The following NF1 variants were observed in gnomAD, a reference collection of about 807,000 sequenced individuals.
NF1 encodes the protein neurofibromin 1, also known as neurofibromin.
A neutral mutation model predicts 325.7 loss-of-function variants in NF1; 122 were observed. The ratio of observed to expected loss-of-function variants is 0.37; its 90% confidence interval spans 0.32 to 0.44. The LOEUF (loss-of-function observed/expected upper bound fraction) is 0.44, where lower values mean the gene tolerates loss of function less well. Ranked by LOEUF, NF1 falls within the 20% of genes least tolerant of loss-of-function variation. The pLI is 1.00. For missense variants in NF1, 2,140 were observed against 3,415.4 expected, an observed-to-expected ratio of 0.63 and a Z score of 9.31; for synonymous variants, 1,091 against 1,186.0, an observed-to-expected ratio of 0.92 and a Z score of 1.65.
intron 1 of NF1, among the ~76,000 whole-genome samples, chr17:31,098,889 G>A (rs572804619): frequency 2.9e-5 from 4 of 139,142 alleles, no homozygotes; most frequent in South Asian, 2.3e-4. Context: ...CCGAGATTGC[G>A]CCACTGCACT....
intron 29 of NF1, among the ~76,000 whole-genome samples, chr17:31,246,918 C>T (rs982371513): frequency 3.9e-5 from 6 of 152,048 alleles, no homozygotes; most frequent in Non-Finnish European, 7.4e-5. Flanking sequence ...AACACTGGGC[C>T]GGGCACGGTG....
At chr17:31,285,231 C>T (rs1330919017) in intron 36 of NF1, among the ~76,000 whole-genome samples, 1 of 147,862 alleles carries the variant, frequency 6.8e-6, no homozygotes, top group African/African-American at 2.5e-5. Context: ...AAACCGAAAT[C>T]GCACCACTGC....
Position 31,201,252 on chromosome 17 carries a change from C to T in NF1, c.1185+93C>T, listed in dbSNP as rs558406034. On this transcript the variant is annotated intron_variant, in intron 10 of 57. Transcript: ENST00000358273. ...TAGAGATTAATAGGTTCACTTTTATCGGTATTTCTCACTATTATGTATTGA... is the reference window on the plus strand; with the variant it reads ...TAGAGATTAATAGGTTCACTTTTATTGGTATTTCTCACTATTATGTATTGA... The T allele has an allele frequency of 5.5e-4, 854 of 1,540,586 alleles. 1 individual carries two copies. The highest frequency in any genetic ancestry group is 1.6e-3 in the South Asian group (139 of 88,456).
Position 31,334,295 on chromosome 17 carries a change from C to CA in NF1, c.5813-529dup, listed in dbSNP as rs199925524. ...CTGGGCGACAGAGGAGACTCCATCTCAAAAAAAAAAAAAATGAATAATCTC... is the reference window on the plus strand; with the variant it reads ...CTGGGCGACAGAGGAGACTCCATCTCAAAAAAAAAAAAAAATGAATAATCTC... On this transcript the variant is annotated intron_variant, in intron 39 of 57. Coordinates refer to ENST00000358273, the MANE Select transcript of NF1 (RefSeq NM_001042492.3). 9.4e-3 allele frequency among the ~76,000 whole-genome samples: 1,126 copies of CA among 119,384 alleles called. 11 individuals are homozygous for CA. Among genetic ancestry groups the CA allele is most frequent in the African/African-American group, 0.029 (880 of 30,258 alleles). 78.3% of individuals were successfully genotyped at this position (119,384 alleles called of 152,430 possible). A position where few individuals can be genotyped will look rare whatever the true frequency, so the allele number is the denominator to read the frequency against.
At chr17:31,251,188 CT>C in intron 30 of NF1, 2 of 202,564 alleles carry the variant, frequency 9.9e-6, no homozygotes, top group East Asian at 7.5e-5. Flanking sequence ...CCTCTTCTGG[CT>C]TTTTCTTGCC....
At chr17:31,209,014 A>G (rs1449364231) in intron 12 of NF1, among the ~76,000 whole-genome samples, 1 of 152,234 alleles carries the variant, frequency 6.6e-6, no homozygotes, top group Non-Finnish European at 1.5e-5. Context: ...TGTTGGCACT[A>G]TTAACATTTT....
At chr17:31,335,629 G>T (rs1288004649) in intron 40 of NF1, among the ~76,000 whole-genome samples, 2 of 151,546 alleles carry the variant, frequency 1.3e-5, no homozygotes, top group African/African-American at 4.8e-5. Flanking sequence ...AATAACCTTG[G>T]AGCCAGTGTT....
chr17:31,200,810 G>A (rs1297138048), intron 9 of NF1, among the ~76,000 whole-genome samples: 1 of 152,138 alleles, frequency 6.6e-6, no homozygotes, highest in African/African-American at 2.4e-5. Flanking sequence ...TAAATATACA[G>A]ACTTGGGTTT....
At chr17:31,191,675 T>A (rs966740182) in intron 8 of NF1, among the ~76,000 whole-genome samples, 2 of 152,210 alleles carry the variant, frequency 1.3e-5, no homozygotes, top group African/African-American at 4.8e-5. Context: ...GTTTGAAATG[T>A]TCTATGTCAT....
rs1489001411 is a variant in NF1 at position 31,219,039 on chromosome 17, G to T, written c.1562G>T (p.Ser521Ile). 6.2e-7 allele frequency: 1 copy of T among 1,613,728 alleles called. No homozygotes were observed. The change falls in exon 14 of 58, where the codon AGT becomes ATT. Residue 521 changes from serine (S) to isoleucine (I), a missense_variant. Ser to Ile is a moderately radical substitution (Grantham distance 142). Transcript: ENST00000358273. ...AAACAGGGGCCCGAAACCCAAGGCA[G>T]TACAGCAGAATTAATTACAGGGCTC... ...PRKQGPETQGSTAELITGLVQ... is the reference protein window; with the variant it reads ...PRKQGPETQGITAELITGLVQ...
At position 31,334,826 on chromosome 17, in the gene NF1, A is replaced by C. The variant is rs768741646; in HGVS notation, c.5813-12A>C. ...ATTGACCATCACATGCTAATAGTGT[A>C]TTTTTTTCCAGGTATTGAATTGAAA... On this transcript the variant is annotated splice_polypyrimidine_tract_variant and intron_variant, in intron 39 of 57. Coordinates refer to ENST00000358273, the MANE Select transcript of NF1 (RefSeq NM_001042492.3). 3 of 1,604,600 alleles carry C rather than the reference A, an allele frequency of 1.9e-6. No homozygotes were observed. Among genetic ancestry groups the C allele is most frequent in the Non-Finnish European group, 2.6e-6 (3 of 1,171,730 alleles).
At chr17:31,178,457 C>G (rs1002957248) in intron 5 of NF1, among the ~76,000 whole-genome samples, 4 of 152,292 alleles carry the variant, frequency 2.6e-5, no homozygotes, top group Admixed American at 2.6e-4. Context: ...GAAACTGCAT[C>G]AACTAATGGG....
intron 31 of NF1, chr17:31,253,212 A>G: frequency 1.9e-6 from 1 of 524,522 alleles, no homozygotes; most frequent in East Asian, 3.1e-5. Context: ...ATTTATCCCA[A>G]AGGCAATTTG....
intron 51 of NF1, among the ~76,000 whole-genome samples, 191 bp downstream of exon 51, chr17:31,352,605 T>C (rs1321088851): frequency 6.6e-6 from 1 of 152,196 alleles, no homozygotes; most frequent in Non-Finnish European, 1.5e-5. Context: ...GAAATGAGAA[T>C]GGGACCTTGA....
Position 31,229,930 on chromosome 17 carries a change from T to C in NF1, c.2946T>C (p.His982=). 1 of 1,611,856 alleles carries C rather than the reference T, an allele frequency of 6.2e-7. No individual in the cohort carries two copies. Among genetic ancestry groups the C allele is most frequent in the South Asian group, 1.1e-5 (1 of 90,986 alleles). Residue 982 remains histidine, a synonymous_variant, in exon 22 of 58, where the codon CAT becomes CAC. Coordinates refer to ENST00000358273, the MANE Select transcript of NF1 (RefSeq NM_001042492.3). ...LDNHTEGSSE[H]LGQASIETMM... ...ATCATACTGAAGGCAGCTCTGAACA[T>C]CTAGGGCAAGCTAGCATTGAAACAA...
At chr17:31,098,095 TTATA>T (rs977163279) in intron 1 of NF1, among the ~76,000 whole-genome samples, 1 of 148,278 alleles carries the variant, frequency 6.7e-6, no homozygotes, top group African/African-American at 2.4e-5. Flanking sequence ...CATAAGGTAC[TTATA>T]TATATTATAT....
chr17:31,159,671 A>G (rs543394559), intron 3 of NF1, among the ~76,000 whole-genome samples: 1 of 152,236 alleles, frequency 6.6e-6, no homozygotes, highest in South Asian at 2.1e-4. Flanking sequence ...ACCATGACTT[A>G]ATTTGAACTT....
At chr17:31,101,816 TCTTC>T (rs1912366015) in intron 1 of NF1, among the ~76,000 whole-genome samples, 1 of 152,240 alleles carries the variant, frequency 6.6e-6, no homozygotes, top group Non-Finnish European at 1.5e-5. Flanking sequence ...CAGTAAGTTT[TCTTC>T]CTTTAGGAGG....
At chr17:31,213,815 A>C (rs1363287664) in intron 12 of NF1, among the ~76,000 whole-genome samples, 1 of 152,206 alleles carries the variant, frequency 6.6e-6, no homozygotes, top group Non-Finnish European at 1.5e-5. Context: ...AAAGAGGTGG[A>C]GTGCCGTCGA....
Sources: gnomAD v4.1 joint callset for allele counts (sites outside exome capture counted in the v4.1 genomes callset) on GRCh38, gnomAD v4.1.1 for gene constraint, MANE v1.5 for transcripts, NCBI Gene and HGNC (gene_info 2026-07-23, HGNC 2026-07-21) for gene names.